Variants in KIF13A observed in about 807,000 individuals in gnomAD.
KIF13A encodes the protein kinesin family member 13A.
In KIF13A, 79 loss-of-function variants were observed where a neutral mutation model predicts 212.2. That is an observed-to-expected ratio of 0.37 (90% CI 0.31 to 0.45). The LOEUF (loss-of-function observed/expected upper bound fraction) is 0.45, where lower values mean the gene tolerates loss of function less well. KIF13A is among the 20% of genes least tolerant of loss of function. KIF13A has a pLI of 1.00. For missense variants in KIF13A, 1,901 were observed against 2,209.0 expected (o/e 0.86, Z 2.79); for synonymous variants, 789 against 808.6 (o/e 0.98, Z 0.41).
chr6:17,869,019 A>AACAAAAAAAAAC (rs1769735035), intron 4 of KIF13A, among the ~76,000 whole-genome samples: 1 of 126,514 alleles, frequency 7.9e-6, no homozygotes, highest in Non-Finnish European at 1.7e-5. Flanking sequence ...AAAAAAAAAA[A>AACAAAAAAAAAC]ACACAAATAA....
At chr6:17,875,243 G>A (rs1184636133) in intron 3 of KIF13A, among the ~76,000 whole-genome samples, 1 of 152,020 alleles carries the variant, frequency 6.6e-6, no homozygotes, top group African/African-American at 2.4e-5. Flanking sequence ...TTTCCATAGT[G>A]GTTGTACTAG....
chr6:17,816,183 G>A lies in KIF13A; in HGVS notation c.2000+837C>T, dbSNP rs1410477442. On this transcript the variant is annotated intron_variant, in intron 17 of 38. Transcript: ENST00000259711. The surrounding 1 kb of genome is among the most constrained non-coding windows in gnomAD (Gnocchi z 4.3). The stretch of plus-strand genomic sequence containing the variant: ...ATCCGCTGCCTTGGCCTCCCAAAGT[G>A]CTGGGATTACAGGCCTGAGCCACCG... Among the ~76,000 whole-genome samples, 2 of 151,676 alleles carry A rather than the reference G, an allele frequency of 1.3e-5. No homozygotes were observed. Among genetic ancestry groups the A allele is most frequent in the African/African-American group, 2.4e-5 (1 of 41,232 alleles).
Position 17,799,842 on chromosome 6 carries a change from C to T in KIF13A, c.2616+110G>A, listed in dbSNP as rs1489618756. ...CTGTCCACCACTGTATCTGCTGTTA[C>T]AAAATCCAACTTTTACTACCCTGGA... On this transcript the variant is annotated intron_variant, in intron 21 of 38. Transcript: ENST00000259711. The surrounding 1 kb of genome is among the most constrained non-coding windows in gnomAD (Gnocchi z 4.4). The T allele has an allele frequency of 1.3e-5, 17 of 1,281,594 alleles. No individual in the cohort carries two copies. In the East Asian group the frequency reaches 3.5e-4, roughly 26 times the overall value. The allele number at this position is 1,281,594 out of a possible 1,614,324, so 79.4% of individuals were successfully genotyped here.
At chr6:17,833,850 CG>C in intron 12 of KIF13A, 110 bp downstream of exon 12, 1 of 468,196 alleles carries the variant, frequency 2.1e-6, no homozygotes, top group East Asian at 3.8e-5. Context: ...AGTGAGACTC[CG>C]TCTCAAAAAA....
At chr6:17,976,898 G>A (rs1453002413) in intron 2 of KIF13A, among the ~76,000 whole-genome samples, 4 of 151,444 alleles carry the variant, frequency 2.6e-5, no homozygotes, top group South Asian at 2.1e-4. Context: ...TCAGGAGATC[G>A]AGACCATCTT....
chr6:17,835,521 T>C (rs1765874944), intron 11 of KIF13A, among the ~76,000 whole-genome samples: 1 of 152,192 alleles, frequency 6.6e-6, no homozygotes, highest in Admixed American at 6.5e-5. Flanking sequence ...TGATTATAAA[T>C]TATAATAAAA....
chr6:17,804,131 G>A (rs1463403659), intron 20 of KIF13A, among the ~76,000 whole-genome samples: 1 of 142,926 alleles, frequency 7.0e-6, no homozygotes, highest in East Asian at 2.1e-4. Flanking sequence ...CAGCCTGGGC[G>A]ACAGAGTGAG....
chr6:17,845,425 A>C (rs2150391685), intron 9 of KIF13A, among the ~76,000 whole-genome samples: 1 of 152,352 alleles, frequency 6.6e-6, no homozygotes, highest in South Asian at 2.1e-4. Flanking sequence ...TCTATAGAAC[A>C]AGTGTTCAAT....
chr6:17,764,411 G>T lies in KIF13A; in HGVS notation c.5117C>A (p.Pro1706His), dbSNP rs1235384224. 6 of 1,613,986 alleles carry T rather than the reference G, an allele frequency of 3.7e-6. No homozygotes were observed. The highest frequency in any genetic ancestry group is 5.1e-6 in the Non-Finnish European group (6 of 1,179,894). Residue 1706 changes from proline to histidine, a missense_variant, in exon 39 of 39, where the codon CCC becomes CAC. Physicochemically the swap from Pro to His is moderately conservative, Grantham distance 77. Transcript: ENST00000259711. The surrounding 1 kb of genome is among the most constrained non-coding windows in gnomAD (Gnocchi z 5.1). ...CCTGGCTGGCTGGCTAATTTTGCTG[G>T]GGCAGGCATCTAGTTCTGAACATGA... is the stretch of plus-strand genomic sequence containing the variant. ...TGSCSELDAC[P>H]SKISQPARGF...
At chr6:17,978,042 A>G (rs1780739398) in intron 2 of KIF13A, among the ~76,000 whole-genome samples, 1 of 152,208 alleles carries the variant, frequency 6.6e-6, no homozygotes, top group South Asian at 2.1e-4. Flanking sequence ...TTGATCAATG[A>G]CTCACCGAAT....
chr6:17,820,573 T>C (rs1486021761), intron 16 of KIF13A, among the ~76,000 whole-genome samples: 2 of 152,224 alleles, frequency 1.3e-5, no homozygotes, highest in African/African-American at 4.8e-5. Context: ...CAGCCCTTTC[T>C]CAAAATACCA....
chr6:17,891,236 T>C (rs1253741348), intron 3 of KIF13A, among the ~76,000 whole-genome samples: 2 of 152,214 alleles, frequency 1.3e-5, no homozygotes, highest in African/African-American at 2.4e-5. Context: ...ATGAGGCTTA[T>C]GCTGAAATAA....
Position 17,971,006 on chromosome 6 carries a change from A to T in KIF13A, c.146+16048T>A, listed in dbSNP as rs80038009. ...TTCAATTTTATTTCGGCTTTTAAAAAGATTGGTGAGGTTATTTCAATACAT... is the reference window on the plus strand; with the variant it reads ...TTCAATTTTATTTCGGCTTTTAAAATGATTGGTGAGGTTATTTCAATACAT... On this transcript the variant is annotated intron_variant, in intron 2 of 38. Transcript: ENST00000259711. This position sits in a 1 kb window ranked among gnomAD's most constrained non-coding sequence, Gnocchi z 4.2. Among the ~76,000 whole-genome samples the T allele has an allele frequency of 0.061, 9,358 of 152,328 alleles. 331 individuals carry two copies. The highest frequency in any genetic ancestry group is 0.088 in the Middle Eastern group (26 of 294).
chr6:17,852,329 T>TG (rs1034183941), intron 6 of KIF13A, among the ~76,000 whole-genome samples: 7 of 152,274 alleles, frequency 4.6e-5, no homozygotes, highest in Non-Finnish European at 1.0e-4. Context: ...TGGGGAGGAT[T>TG]GGGGGAAAAA....
intron 2 of KIF13A, among the ~76,000 whole-genome samples, chr6:17,940,887 G>A (rs967195617): frequency 6.0e-5 from 9 of 149,912 alleles, no homozygotes; most frequent in East Asian, 2.0e-4. Flanking sequence ...GTGCAATGGC[G>A]CAATCTCGGC....
intron 9 of KIF13A, among the ~76,000 whole-genome samples, chr6:17,842,569 T>C (rs888997364): frequency 5.9e-5 from 9 of 152,106 alleles, no homozygotes; most frequent in Non-Finnish European, 7.4e-5. Context: ...AAAGCACAGC[T>C]CCTAAAGTTG....
rs1400123113 is a variant in KIF13A at position 17,796,712 on chromosome 6, C to T, written c.2899G>A (p.Glu967Lys). 1.3e-6 allele frequency: 2 copies of T among 1,588,730 alleles called. No individual in the cohort carries two copies. The highest frequency in any genetic ancestry group is 2.7e-5 in the African/African-American group (2 of 73,572). ...GTCTTAGCATGAAGAGAATCGACCTCCCAGATGGAGCTGCCATTTCCAGCA... is the reference window on the plus strand; with the variant it reads ...GTCTTAGCATGAAGAGAATCGACCTTCCAGATGGAGCTGCCATTTCCAGCA... ...RCAGNGSSIWEVDSLHAKTRT... is the reference protein window; with the variant it reads ...RCAGNGSSIWKVDSLHAKTRT... Residue 967 changes from glutamate (E) to lysine (K), a missense_variant, in exon 23 of 39, where the codon GAG becomes AAG. Physicochemically the swap from Glu to Lys is moderately conservative, Grantham distance 56. This residue lies in a region of KIF13A where 534 missense variants were observed against 536.9 expected (regional missense o/e 0.99). Transcript: ENST00000259711.
In KIF13A at chr6:17,768,570, A is replaced by G. The variant is rs1365001239; in HGVS notation, c.4581+2544T>C. Among the ~76,000 whole-genome samples the G allele has an allele frequency of 6.6e-6, 1 of 152,222 alleles. No homozygotes were observed. The highest frequency in any genetic ancestry group is 1.5e-5 in the Non-Finnish European group (1 of 68,042). ...GGAGTGAGCCCTTTATCTGAAGAGC[A>G]GCTGCAGGGCATACTGGAATTGCAC... On this transcript the variant is annotated intron_variant, in intron 38 of 38. Coordinates refer to ENST00000259711, the MANE Select transcript of KIF13A (RefSeq NM_022113.6). The surrounding 1 kb of genome is among the most constrained non-coding windows in gnomAD (Gnocchi z 5.4).
chr6:17,822,906 T>C (rs75860208), intron 16 of KIF13A, among the ~76,000 whole-genome samples: 3 of 152,236 alleles, frequency 2.0e-5, no homozygotes, highest in Non-Finnish European at 4.4e-5. Context: ...CTAGCTATGG[T>C]CCACCCTGCA....
Sources: gnomAD v4.1 joint callset for allele counts (sites outside exome capture counted in the v4.1 genomes callset) on GRCh38, gnomAD v4.1.1 for gene constraint, gnomAD v4.1.1 regional missense constraint, Gnocchi (gnomAD v3.1) non-coding constraint, MANE v1.5 for transcripts, NCBI Gene and HGNC (gene_info 2026-07-23, HGNC 2026-07-21) for gene names.